SDK1: variants seen among roughly 807,000 people sequenced by gnomAD.
The protein encoded by SDK1 is protein sidekick-1.
Under a neutral mutation model 245.5 loss-of-function variants are expected in SDK1, and 157 were observed. The ratio of observed to expected loss-of-function variants is 0.64; its 90% confidence interval spans 0.56 to 0.73. The LOEUF (loss-of-function observed/expected upper bound fraction) is 0.73, where lower values mean the gene tolerates loss of function less well. Ranked by LOEUF, SDK1 falls within the 30% of genes least tolerant of loss-of-function variation. The pLI, the probability that SDK1 is intolerant of heterozygous loss-of-function variation, is 0.00. For missense variants in SDK1, 3,583 were observed against 3,002.3 expected (o/e 1.19, Z -4.52); for synonymous variants, 1,647 against 1,278.5 (o/e 1.29, Z -6.15).
chr7:3,990,770 C>T (rs1323482231), intron 14 of SDK1, among the ~76,000 whole-genome samples: 2 of 152,230 alleles, frequency 1.3e-5, no homozygotes, highest in Admixed American at 6.5e-5. Flanking sequence ...CTGAAAATTA[C>T]AGTCATGGAC....
Position 3,655,486 on chromosome 7 carries a change from T to A in SDK1, c.713+13381T>A, listed in dbSNP as rs1227619187. Reference sequence around the variant, plus strand: ...ATATATATATATATATATATATATATATATATATATATATATATGTATGTA... The same window carrying A: ...ATATATATATATATATATATATATAAATATATATATATATATATGTATGTA... On this transcript the variant is annotated intron_variant, in intron 4 of 44. Transcript: ENST00000404826. 4.2e-3 allele frequency among the ~76,000 whole-genome samples: 353 copies of A among 83,858 alleles called. 21 individuals carry two copies. The highest frequency in any genetic ancestry group is 0.028 in the South Asian group (81 of 2,912). 55.0% of individuals were successfully genotyped at this position (83,858 alleles called of 152,430 possible). A position where few individuals can be genotyped will look rare whatever the true frequency, so the allele number is the denominator to read the frequency against.
intron 1 of SDK1, among the ~76,000 whole-genome samples, chr7:3,539,559 G>A (rs1427713913): frequency 1.3e-5 from 2 of 152,188 alleles, no homozygotes; most frequent in Admixed American, 6.5e-5. Context: ...GCTCAGTGGA[G>A]ATGGATGGAC....
chr7:3,931,910 C>G (rs1779990414), intron 5 of SDK1, among the ~76,000 whole-genome samples: 1 of 152,178 alleles, frequency 6.6e-6, no homozygotes. Flanking sequence ...TTTGGATTTT[C>G]TATAAATTTG....
At chr7:3,351,189 A>G (rs1434606392) in intron 1 of SDK1, among the ~76,000 whole-genome samples, 2 of 152,190 alleles carry the variant, frequency 1.3e-5, no homozygotes, top group Admixed American at 1.3e-4. Context: ...TAAAGGCCAG[A>G]TGGTAGTTGT....
chr7:3,477,733 C>T (rs117871886), intron 1 of SDK1, among the ~76,000 whole-genome samples: 2,467 of 151,976 alleles, frequency 0.016, 39 homozygotes, highest in Middle Eastern at 0.041. Context: ...AGGCTTGTCC[C>T]GAACCTCTAG....
chr7:3,700,768 G>A (rs1008367663), intron 4 of SDK1, among the ~76,000 whole-genome samples: 5 of 152,122 alleles, frequency 3.3e-5, no homozygotes, highest in African/African-American at 2.4e-5. Flanking sequence ...GAGAAAAGTC[G>A]ATTCATCTAT....
At chr7:4,028,687 A>C (rs1484191403) in intron 17 of SDK1, among the ~76,000 whole-genome samples, 2 of 152,178 alleles carry the variant, frequency 1.3e-5, no homozygotes. Context: ...ACAGGCTGGG[A>C]AGGTCTCATT....
Position 3,454,443 on chromosome 7 carries a change from A to G in SDK1, c.298+152559A>G, listed in dbSNP as rs187440792. Among the ~76,000 whole-genome samples the G allele has an allele frequency of 4.3e-3, 553 of 129,380 alleles. 2 individuals carry two copies. Among genetic ancestry groups the G allele is most frequent in the Middle Eastern group, 0.014 (3 of 214 alleles). The allele number at this position is 129,380 out of a possible 152,430, so 84.9% of individuals were successfully genotyped here. A position where few individuals can be genotyped will look rare whatever the true frequency, so the allele number is the denominator to read the frequency against. On this transcript the variant is annotated intron_variant, in intron 1 of 44. Coordinates refer to ENST00000404826, the MANE Select transcript of SDK1 (RefSeq NM_152744.4). The stretch of plus-strand genomic sequence containing the variant: ...GTGTGTGCTGTGTACATTTAAGTCT[A>G]TGCAATTCTGTTACAGGTGTGGGTT...
At chr7:3,631,257 C>T (rs1782279406) in intron 2 of SDK1, among the ~76,000 whole-genome samples, 1 of 152,116 alleles carries the variant, frequency 6.6e-6, no homozygotes, top group Non-Finnish European at 1.5e-5. Context: ...GTTTTATTTT[C>T]TTTTAATCTA....
At chr7:3,952,569 G>A (rs1780921841) in intron 7 of SDK1, among the ~76,000 whole-genome samples, 2 of 151,168 alleles carry the variant, frequency 1.3e-5, no homozygotes, top group South Asian at 2.1e-4. Context: ...GGCCACAGGA[G>A]CAAAACTCCA....
chr7:3,682,033 A>T (rs138197603), intron 4 of SDK1, among the ~76,000 whole-genome samples: 4 of 152,340 alleles, frequency 2.6e-5, no homozygotes, highest in African/African-American at 9.6e-5. Flanking sequence ...AACAGACTCT[A>T]AACAGCCTTA....
chr7:3,617,640 A>G (rs1279886944), intron 1 of SDK1, among the ~76,000 whole-genome samples: 1 of 152,220 alleles, frequency 6.6e-6, no homozygotes, highest in African/African-American at 2.4e-5. Flanking sequence ...GTGCTATATC[A>G]TCCTGTCATG....
At chr7:4,231,139 A>G (rs1265286723) in intron 40 of SDK1, among the ~76,000 whole-genome samples, 1 of 152,166 alleles carries the variant, frequency 6.6e-6, no homozygotes, top group Non-Finnish European at 1.5e-5. Flanking sequence ...CATAAACTAC[A>G]TACAGCCAGC....
chr7:3,410,378 A>G (rs545556201), intron 1 of SDK1, among the ~76,000 whole-genome samples: 8 of 152,230 alleles, frequency 5.3e-5, no homozygotes, highest in African/African-American at 1.9e-4. Context: ...CCTGTGTCCC[A>G]TCTTCAAGAT....
intron 4 of SDK1, among the ~76,000 whole-genome samples, chr7:3,820,068 T>G (rs1779606186): frequency 6.6e-6 from 1 of 152,218 alleles, no homozygotes; most frequent in African/African-American, 2.4e-5. Flanking sequence ...GAGCTTAGAC[T>G]AAATGATATT....
At chr7:4,109,798 G>A (rs1783215263) in intron 22 of SDK1, among the ~76,000 whole-genome samples, 1 of 152,180 alleles carries the variant, frequency 6.6e-6, no homozygotes, top group Non-Finnish European at 1.5e-5. Flanking sequence ...CTGGCACTCG[G>A]GTTTCTTAAG....
intron 8 of SDK1, among the ~76,000 whole-genome samples, chr7:3,960,137 A>G (rs1040898123): frequency 2.6e-5 from 4 of 152,256 alleles, no homozygotes; most frequent in Admixed American, 1.3e-4. Context: ...CTCCTAAAAG[A>G]GAGATGATTT....
At chr7:3,990,169 C>G (rs769510017) in intron 14 of SDK1, among the ~76,000 whole-genome samples, 1 of 152,244 alleles carries the variant, frequency 6.6e-6, no homozygotes, top group African/African-American at 2.4e-5. Flanking sequence ...ACCAGTTCAC[C>G]GAGGGAAGGC....
intron 4 of SDK1, among the ~76,000 whole-genome samples, chr7:3,655,702 A>G (rs1783161337): frequency 6.6e-6 from 1 of 151,762 alleles, no homozygotes. Context: ...TTATTGAACA[A>G]ATAGATAAGT....
Sources: allele counts gnomAD v4.1 joint callset (sites outside exome capture counted in the v4.1 genomes callset), GRCh38; gene constraint gnomAD v4.1.1; transcripts MANE v1.5; gene names NCBI Gene and HGNC (gene_info 2026-07-23, HGNC 2026-07-21).